MYO5A: variants seen among roughly 807,000 people sequenced by gnomAD.
MYO5A encodes the protein unconventional myosin-Va.
A neutral mutation model predicts 249.7 loss-of-function variants in MYO5A; 98 were observed. That is an observed-to-expected ratio of 0.39 (90% CI 0.33 to 0.46). The LOEUF (loss-of-function observed/expected upper bound fraction) is 0.46, where lower values mean the gene tolerates loss of function less well. Ranked by LOEUF, MYO5A falls within the 20% of genes least tolerant of loss-of-function variation. The pLI is 0.98. For missense variants in MYO5A, 1,696 were observed against 2,308.8 expected (o/e 0.73, Z 5.44); for synonymous variants, 778 against 810.6 (o/e 0.96, Z 0.68).
At chr15:52,370,545 A>G in intron 21 of MYO5A, 128 bp from the exon 22 acceptor site, 1 of 942,878 alleles carries the variant, frequency 1.1e-6, no homozygotes, top group Non-Finnish European at 1.6e-6. Flanking sequence ...TCCAACCAAA[A>G]TACTACAACA....
In MYO5A at chr15:52,408,046, G is replaced by A; in HGVS notation, c.838+13C>T. On this transcript the variant is annotated intron_variant, in intron 7 of 41. Transcript: ENST00000399233. ...ACAATACCAGAACAATAAATTTAAT[G>A]CCATATTCATACCTAATCGTAGCAT... 1 of 1,497,328 alleles carries A rather than the reference G, an allele frequency of 6.7e-7. No individual in the cohort carries two copies. The highest frequency in any genetic ancestry group is 9.3e-7 in the Non-Finnish European group (1 of 1,075,108). The allele number at this position is 1,497,328 out of a possible 1,614,324, so 92.8% of individuals were successfully genotyped here. A position where few individuals can be genotyped will look rare whatever the true frequency, so the allele number is the denominator to read the frequency against.
At chr15:52,471,278 T>C (rs1479882513) in intron 1 of MYO5A, among the ~76,000 whole-genome samples, 1 of 151,922 alleles carries the variant, frequency 6.6e-6, no homozygotes, top group African/African-American at 2.4e-5. Context: ...GTGGCATTAT[T>C]TTCCAGAATA....
chr15:52,491,797 T>C (rs1296225875), intron 1 of MYO5A, among the ~76,000 whole-genome samples: 1 of 152,154 alleles, frequency 6.6e-6, no homozygotes, highest in African/African-American at 2.4e-5. Flanking sequence ...CAACTACTAA[T>C]TTACAAAGCA....
intron 1 of MYO5A, among the ~76,000 whole-genome samples, chr15:52,485,165 AC>A (rs760617728): frequency 5.9e-5 from 9 of 151,954 alleles, no homozygotes; most frequent in Non-Finnish European, 1.2e-4. Context: ...ACAATTTTCA[AC>A]TAACTTCTTA....
chr15:52,343,291 A>G, intron 30 of MYO5A, 94 bp from the exon 31 acceptor site: 2 of 1,038,260 alleles, frequency 1.9e-6, no homozygotes, highest in East Asian at 4.8e-5. Flanking sequence ...GTATTTCAAC[A>G]TTTTATAAGT....
At chr15:52,459,005 T>TAA (rs1024751120) in intron 1 of MYO5A, among the ~76,000 whole-genome samples, 1 of 151,774 alleles carries the variant, frequency 6.6e-6, no homozygotes, top group Non-Finnish European at 1.5e-5. Flanking sequence ...AATTCTTTTT[T>TAA]GGGGGGCAGG....
intron 1 of MYO5A, among the ~76,000 whole-genome samples, chr15:52,462,710 C>T (rs1267439152): frequency 1.3e-5 from 2 of 151,450 alleles, no homozygotes; most frequent in South Asian, 2.1e-4. Context: ...TGGCCGGGCA[C>T]GGTGGCACAC....
At chr15:52,383,693 G>T (rs2041856289) in intron 15 of MYO5A, among the ~76,000 whole-genome samples, 1 of 152,132 alleles carries the variant, frequency 6.6e-6, no homozygotes, top group African/African-American at 2.4e-5. Flanking sequence ...GTCTACACCA[G>T]GCACAGGGTC....
intron 16 of MYO5A, among the ~76,000 whole-genome samples, chr15:52,381,780 TCTCA>T (rs1343470094): frequency 2.7e-5 from 2 of 74,468 alleles, no homozygotes; most frequent in Non-Finnish European, 3.9e-5. Flanking sequence ...TCTCTCTCTC[TCTCA>T]CACACACACA....
In MYO5A at chr15:52,487,788, GCTGA is replaced by G. The variant is rs2076853931; in HGVS notation, c.27+40988_27+40991del. On this transcript the variant is annotated intron_variant, in intron 1 of 41. Transcript: ENST00000399233. ...TGGTTTCAATTTTGCATTATCCTTG[GCTGA>G]CTAAGGAAACCAGCATACTTGTACG... Among the ~76,000 whole-genome samples the G allele has an allele frequency of 2.0e-5, 3 of 151,754 alleles. No homozygotes were observed. The South Asian group carries it at 6.2e-4, about 32-fold the overall frequency.
rs10552352 is a variant in MYO5A at position 52,501,876 on chromosome 15, TACACACAC to T, written c.27+26896_27+26903del. 8.5e-3 allele frequency among the ~76,000 whole-genome samples: 1,192 copies of T among 140,524 alleles called. 24 individuals carry two copies. The highest frequency in any genetic ancestry group is 0.029 in the African/African-American group (1,131 of 39,378). The allele number at this position is 140,524 out of a possible 152,430, so 92.2% of individuals were successfully genotyped here. Reference sequence around the variant, plus strand: ...CAGACACACACACACATACATATACTACACACACACACACACACACACACACACACACA... The same window carrying T: ...CAGACACACACACACATACATATACTACACACACACACACACACACACACA... On this transcript the variant is annotated intron_variant, in intron 1 of 41. Coordinates refer to ENST00000399233, the MANE Select transcript of MYO5A (RefSeq NM_001382347.1).
Position 52,319,226 on chromosome 15 carries a change from G to A in MYO5A, c.5068C>T (p.Leu1690Phe). The A allele has an allele frequency of 6.2e-7, 1 of 1,614,184 alleles. No homozygotes were observed. The highest frequency in any genetic ancestry group is 8.5e-7 in the Non-Finnish European group (1 of 1,180,028). ...GAGTGGAAGGAGTTGAGCTGCCGGA[G>A]GATGGAGTCCAGTGTGTAGGTGCCC... ...DEGTYTLDSI[L>F]RQLNSFHSVM... The change falls in exon 39 of 42, where the codon CTC becomes TTC. Residue 1690 changes from leucine to phenylalanine, a missense_variant. Leu to Phe is a conservative substitution (Grantham distance 22). Around this residue, in one of 5 missense-constraint regions of MYO5A, gnomAD observed 625 missense variants for 908.1 expected, o/e 0.69. Coordinates refer to ENST00000399233, the MANE Select transcript of MYO5A (RefSeq NM_001382347.1).
At chr15:52,446,011 G>A (rs56315558) in intron 1 of MYO5A, among the ~76,000 whole-genome samples, 1 of 152,176 alleles carries the variant, frequency 6.6e-6, no homozygotes, top group Non-Finnish European at 1.5e-5. Flanking sequence ...GATAGCTTTT[G>A]CAAGAGAGAA....
intron 36 of MYO5A, among the ~76,000 whole-genome samples, chr15:52,326,131 C>T (rs991277544): frequency 5.3e-5 from 8 of 152,126 alleles, no homozygotes; most frequent in Admixed American, 2.6e-4. Context: ...CACAAACATA[C>T]GATTCAAAAC....
chr15:52,325,822 TA>T (rs1187168740), intron 36 of MYO5A, among the ~76,000 whole-genome samples: 1 of 151,550 alleles, frequency 6.6e-6, no homozygotes, highest in Admixed American at 6.6e-5. Context: ...CTTTGGAAAT[TA>T]AAAAAAAATT....
At chr15:52,351,512 C>T (rs1227416066) in intron 27 of MYO5A, 31 bp from the exon 28 acceptor site, 2 of 1,588,262 alleles carry the variant, frequency 1.3e-6, no homozygotes, top group South Asian at 1.1e-5. Flanking sequence ...AAGTTCATTG[C>T]TGTCATCCTC....
At chr15:52,361,687 C>T (rs567806053) in intron 24 of MYO5A, among the ~76,000 whole-genome samples, 74 of 152,336 alleles carry the variant, frequency 4.9e-4, no homozygotes, top group Non-Finnish European at 9.6e-4. Context: ...ATGTTAACTT[C>T]TGCTGCTGTG....
At chr15:52,516,723 C>A (rs1249008105) in intron 1 of MYO5A, among the ~76,000 whole-genome samples, 1 of 152,216 alleles carries the variant, frequency 6.6e-6, no homozygotes, top group African/African-American at 2.4e-5. Context: ...GTTGTTGATG[C>A]TGAAGGACTC....
chr15:52,497,420 AATAG>A (rs1198114972), intron 1 of MYO5A, among the ~76,000 whole-genome samples: 1 of 55,510 alleles, frequency 1.8e-5, no homozygotes, highest in African/African-American at 3.7e-5. Flanking sequence ...TAAATAAATA[AATAG>A]ATAAATAAAT....
Sources: gnomAD v4.1 joint callset for allele counts (sites outside exome capture counted in the v4.1 genomes callset) on GRCh38, gnomAD v4.1.1 for gene constraint, gnomAD v4.1.1 regional missense constraint, MANE v1.5 for transcripts, NCBI Gene and HGNC (gene_info 2026-07-23, HGNC 2026-07-21) for gene names.